Variants in COMMD9 observed in about 807,000 individuals in gnomAD.
The protein encoded by COMMD9 is COMM domain-containing protein 9.
COMMD9 carries 22 observed loss-of-function variants against 23.4 expected under a neutral mutation model. That is an observed-to-expected ratio of 0.94 (90% CI 0.67 to 1.34). The LOEUF is 1.34. Among genes scored for constraint, COMMD9 ranks in the 40% most tolerant of loss-of-function variants. The probability of loss-of-function intolerance (pLI) is 0.00; values close to 1 mark genes in which losing one functional copy is unlikely to be tolerated. For missense variants in COMMD9, 231 were observed against 240.2 expected (o/e 0.96, Z 0.25); for synonymous variants, 99 against 97.4 (o/e 1.02, Z -0.10).
Position 36,277,085 on chromosome 11 carries a change from T to A in COMMD9, c.352+4A>T, listed in dbSNP as rs1440730602. On this transcript the variant is annotated splice_donor_region_variant and intron_variant, in intron 4 of 5. Transcript: ENST00000263401. Reference sequence around the variant, plus strand: ...AAGGGAGGGGCAGATTTATTGGTACTCACTCTGATTTGCCTGGGCTTCGGT... The same window carrying A: ...AAGGGAGGGGCAGATTTATTGGTACACACTCTGATTTGCCTGGGCTTCGGT... 2 of 1,605,214 alleles carry A rather than the reference T, an allele frequency of 1.2e-6. No homozygotes were observed. Among genetic ancestry groups the A allele is most frequent in the East Asian group, 2.2e-5 (1 of 44,546 alleles).
rs778024784 is a variant in COMMD9, at chr11:36,277,140, G to A, written c.318-17C>T. 6 of 1,576,560 alleles carry A rather than the reference G, an allele frequency of 3.8e-6. No homozygotes were observed. In the South Asian group the frequency reaches 7.0e-5, roughly 18 times the overall value. On this transcript the variant is annotated splice_polypyrimidine_tract_variant and intron_variant, in intron 3 of 5. Transcript: ENST00000263401. Reference sequence around the variant, plus strand: ...CAAGTAGACCTGTTTAAGAGGGAAAGATGAGGAAAAAATAATGGAAAGGGG... The same window carrying A: ...CAAGTAGACCTGTTTAAGAGGGAAAAATGAGGAAAAAATAATGGAAAGGGG...
rs760755154 is a variant in COMMD9, at chr11:36,277,082, TACTC to T, written c.352+3_352+6del. ...AAGAAGGGAGGGGCAGATTTATTGG[TACTC>T]ACTCTGATTTGCCTGGGCTTCGGTT... On this transcript the variant is annotated splice_donor_5th_base_variant and intron_variant, in intron 4 of 5. Transcript: ENST00000263401. 8.1e-6 allele frequency: 13 copies of T among 1,604,382 alleles called. No individual in the cohort carries two copies. The highest frequency in any genetic ancestry group is 1.1e-5 in the Non-Finnish European group (13 of 1,175,362).
At position 36,274,337 on chromosome 11, in the gene COMMD9, G is replaced by A. The variant is rs751330487; in HGVS notation, c.*295C>T. The A allele has an allele frequency of 1.1e-5, 7 of 616,782 alleles. No homozygotes were observed. In the Middle Eastern group the frequency reaches 1.0e-3, roughly 89 times the overall value. 38.2% of individuals were successfully genotyped at this position (616,782 alleles called of 1,614,324 possible). A position where few individuals can be genotyped will look rare whatever the true frequency, so the allele number is the denominator to read the frequency against. On this transcript the variant is annotated 3_prime_UTR_variant, in exon 6 of 6. Coordinates refer to ENST00000263401, the MANE Select transcript of COMMD9 (RefSeq NM_014186.4). ...AAACAGCTATGCAGAGGCAGCTGAC[G>A]ATGCAAATGTTCCCTCACCCTGCCA...
rs779788009 is a variant in COMMD9, at chr11:36,274,348, T to C, written c.*284A>G. 1.6e-5 allele frequency: 10 copies of C among 637,350 alleles called. No homozygotes were observed. In the African/African-American group the frequency reaches 1.8e-4, roughly 11 times the overall value. 39.5% of individuals were successfully genotyped at this position (637,350 alleles called of 1,614,324 possible). Reference sequence around the variant, plus strand: ...CAGAGGCAGCTGACGATGCAAATGTTCCCTCACCCTGCCATGGTGGTAATT... The same window carrying C: ...CAGAGGCAGCTGACGATGCAAATGTCCCCTCACCCTGCCATGGTGGTAATT... On this transcript the variant is annotated 3_prime_UTR_variant, in exon 6 of 6. Transcript: ENST00000263401.
At chr11:36,288,132 C>T (rs762702664) in intron 1 of COMMD9, among the ~76,000 whole-genome samples, 2 of 152,116 alleles carry the variant, frequency 1.3e-5, no homozygotes, top group African/African-American at 2.4e-5. Context: ...CATTTAACAG[C>T]TATTTACTGA....
At chr11:36,274,794 G>C (rs747116269) in intron 5 of COMMD9, 22 bp from the exon 6 acceptor site, 3 of 1,613,740 alleles carry the variant, frequency 1.9e-6, no homozygotes, top group South Asian at 2.2e-5. Flanking sequence ...ACACAGCCCA[G>C]AAAGTCAAAG....
chr11:36,274,807 G>T lies in COMMD9; in HGVS notation c.457-35C>A, dbSNP rs1008401544. 3 of 1,612,528 alleles carry T rather than the reference G, an allele frequency of 1.9e-6. No homozygotes were observed. In the Admixed American group the frequency reaches 5.0e-5, roughly 27 times the overall value. On this transcript the variant is annotated intron_variant, in intron 5 of 5. Coordinates refer to ENST00000263401, the MANE Select transcript of COMMD9 (RefSeq NM_014186.4). ...GAACACAGCCCAGAAAGTCAAAGCT[G>T]CCTCTTTTCCCATATCCCTGTAAGT... is the stretch of plus-strand genomic sequence containing the variant.
chr11:36,282,064 A>G (rs780820145), intron 1 of COMMD9, among the ~76,000 whole-genome samples: 49 of 152,318 alleles, frequency 3.2e-4, no homozygotes, highest in Admixed American at 1.0e-3. Context: ...GGAAAGAATT[A>G]GTGAACCAGA....
intron 1 of COMMD9, among the ~76,000 whole-genome samples, chr11:36,281,856 A>G (rs1308633391): frequency 6.6e-6 from 1 of 152,264 alleles, no homozygotes; most frequent in East Asian, 1.9e-4. Context: ...ATTATCTGAC[A>G]AAGAATTTTA....
At chr11:36,279,613 T>A (rs1431180003) in intron 2 of COMMD9, among the ~76,000 whole-genome samples, 1 of 152,206 alleles carries the variant, frequency 6.6e-6, no homozygotes, top group Non-Finnish European at 1.5e-5. Flanking sequence ...TCCATAGCAG[T>A]AATTGCTCTT....
chr11:36,274,772 T>C lies in COMMD9; in HGVS notation c.457A>G (p.Ile153Val), dbSNP rs755804720. The C allele has an allele frequency of 6.2e-7, 1 of 1,614,246 alleles. No homozygotes were observed. Among genetic ancestry groups the C allele is most frequent in the South Asian group, 1.1e-5 (1 of 91,086 alleles). The change falls in exon 6 of 6, where the codon ATC (isoleucine) becomes GTC (valine). Residue 153 changes from isoleucine to valine, a missense_variant and splice_region_variant. Ile to Val is a conservative substitution (Grantham distance 29). Coordinates refer to ENST00000263401, the MANE Select transcript of COMMD9 (RefSeq NM_014186.4). ...AVPTCLLQMK[I>V]QEDPSLCGDK... is the part of the protein sequence containing the mutation. ...CCGCATAGGCTGGGATCTTCTTGGATCTGAAACGAGAACACAGCCCAGAAA... is the reference window on the plus strand; with the variant it reads ...CCGCATAGGCTGGGATCTTCTTGGACCTGAAACGAGAACACAGCCCAGAAA...
In COMMD9 at chr11:36,277,125, T is replaced by C; in HGVS notation, c.318-2A>G. 2 of 1,590,756 alleles carry C rather than the reference T, an allele frequency of 1.3e-6. No individual in the cohort carries two copies. Among genetic ancestry groups the C allele is most frequent in the Admixed American group, 1.8e-5 (1 of 56,378 alleles). ...TGGGCTTCGGTTCTCCAAGTAGACC[T>C]GTTTAAGAGGGAAAGATGAGGAAAA... On this transcript the variant is annotated splice_acceptor_variant, in intron 3 of 5. Transcript: ENST00000263401. LOFTEE classifies it high-confidence loss of function.
At position 36,274,579 on chromosome 11, in the gene COMMD9, T is replaced by C; in HGVS notation, c.*53A>G. ...AGGGCAGCCTGCATATGGGGAGACA[T>C]TTATCACTCATGAGCAGCTGGGTCA... On this transcript the variant is annotated 3_prime_UTR_variant, in exon 6 of 6. Transcript: ENST00000263401. 6.2e-7 allele frequency: 1 copy of C among 1,609,020 alleles called. No individual in the cohort carries two copies. Among genetic ancestry groups the C allele is most frequent in the South Asian group, 1.1e-5 (1 of 90,590 alleles).
At chr11:36,285,209 T>C (rs1856131778) in intron 1 of COMMD9, among the ~76,000 whole-genome samples, 2 of 152,084 alleles carry the variant, frequency 1.3e-5, no homozygotes, top group African/African-American at 4.8e-5. Context: ...ATCAAAAGGA[T>C]AATGGGAACT....
Position 36,277,109 on chromosome 11 carries a change from G to T in COMMD9, c.332C>A (p.Thr111Asn), listed in dbSNP as rs199559435. The T allele has an allele frequency of 8.2e-5, 131 of 1,604,774 alleles. No individual in the cohort carries two copies. The highest frequency in any genetic ancestry group is 6.9e-5 in the Admixed American group (4 of 58,334). ...CTCACTCTGATTTGCCTGGGCTTCG[G>T]TTCTCCAAGTAGACCTGTTTAAGAG... is the stretch of plus-strand genomic sequence containing the variant. ...IILEHVSTWR[T>N]EAQANQISLP... is the part of the protein sequence containing the mutation. Residue 111 changes from threonine (T) to asparagine (N), a missense_variant, in exon 4 of 6, where the codon ACC (threonine) becomes AAC (asparagine). Physicochemically the swap from Thr to Asn is moderately conservative, Grantham distance 65. Transcript: ENST00000263401.
At chr11:36,280,913 G>A (rs980086761) in intron 1 of COMMD9, 76 bp from the exon 2 acceptor site, 3 of 1,387,748 alleles carry the variant, frequency 2.2e-6, no homozygotes, top group Non-Finnish European at 2.9e-6. Context: ...TAATGTCTTT[G>A]TCATACATGA....
At chr11:36,285,972 A>G (rs7124082) in intron 1 of COMMD9, among the ~76,000 whole-genome samples, 23,061 of 152,132 alleles carry the variant, frequency 0.15, 1,953 homozygotes, top group African/African-American at 0.23. Flanking sequence ...CCCAAAACTG[A>G]GAACAAGGCA....
At chr11:36,281,094 C>T (rs187744710) in intron 1 of COMMD9, among the ~76,000 whole-genome samples, 5 of 152,248 alleles carry the variant, frequency 3.3e-5, no homozygotes, top group Non-Finnish European at 7.3e-5. Flanking sequence ...TGCTAGGGAC[C>T]TCATAATACA....
intron 1 of COMMD9, among the ~76,000 whole-genome samples, chr11:36,285,337 G>A (rs924397903): frequency 6.6e-6 from 1 of 152,008 alleles, no homozygotes; most frequent in South Asian, 2.1e-4. Context: ...ATAGTCCTAT[G>A]ACTATTAAGA....
Sources: gnomAD v4.1 joint callset for allele counts (sites outside exome capture counted in the v4.1 genomes callset) on GRCh38, gnomAD v4.1.1 for gene constraint, MANE v1.5 for transcripts, NCBI Gene and HGNC (gene_info 2026-07-23, HGNC 2026-07-21) for gene names.